Variants in LRRC4C observed in about 807,000 individuals in gnomAD.
The protein encoded by LRRC4C is leucine rich repeat containing 4C.
A neutral mutation model predicts 33.6 loss-of-function variants in LRRC4C; 5 were observed. The ratio of observed to expected loss-of-function variants is 0.15; its 90% confidence interval spans 0.08 to 0.31. The LOEUF is 0.31. Among genes scored for constraint, LRRC4C ranks in the 10% least tolerant of loss-of-function variants. LRRC4C has a pLI of 1.00. For synonymous variants in LRRC4C, 329 were observed against 302.0 expected, an observed-to-expected ratio of 1.09 and a Z score of -0.93; for missense variants, 560 against 796.7, an observed-to-expected ratio of 0.70 and a Z score of 3.58.
At chr11:40,793,321 G>A (rs1384522489) in intron 2 of LRRC4C, among the ~76,000 whole-genome samples, 1 of 152,034 alleles carries the variant, frequency 6.6e-6, no homozygotes, top group Admixed American at 6.5e-5. Context: ...TAAAAATTCT[G>A]TAAGCTTTGT....
intron 2 of LRRC4C, among the ~76,000 whole-genome samples, chr11:40,879,234 C>G (rs1340678845): frequency 6.6e-6 from 1 of 152,026 alleles, no homozygotes. Flanking sequence ...GGTTTAAAAT[C>G]TTAAGGGAAA....
chr11:40,754,415 G>T (rs1215329791), intron 2 of LRRC4C, among the ~76,000 whole-genome samples: 1 of 152,210 alleles, frequency 6.6e-6, no homozygotes, highest in Non-Finnish European at 1.5e-5. Flanking sequence ...CAGACTAATT[G>T]CTCCTCAGGA....
At chr11:40,599,246 T>C (rs970123084) in intron 3 of LRRC4C, among the ~76,000 whole-genome samples, 12 of 151,720 alleles carry the variant, frequency 7.9e-5, no homozygotes, top group Non-Finnish European at 1.8e-4. Flanking sequence ...CCTAAGAGTT[T>C]GAGACCAGCC....
chr11:40,982,718 C>T (rs1852631648), intron 1 of LRRC4C, among the ~76,000 whole-genome samples: 1 of 151,964 alleles, frequency 6.6e-6, no homozygotes, highest in Admixed American at 6.6e-5. Flanking sequence ...AGGTTTATTC[C>T]ACAGGTAAAC....
chr11:40,693,213 A>T (rs1451403797), intron 2 of LRRC4C, among the ~76,000 whole-genome samples: 1 of 152,160 alleles, frequency 6.6e-6, no homozygotes, highest in Non-Finnish European at 1.5e-5. Context: ...TTCAGATAGC[A>T]TTCATAAAGA....
chr11:41,287,527 T>A (rs1321505465), intron 1 of LRRC4C, among the ~76,000 whole-genome samples: 1 of 152,040 alleles, frequency 6.6e-6, no homozygotes, highest in Non-Finnish European at 1.5e-5. Flanking sequence ...TCTATAGGGA[T>A]CTTTTCTTTT....
intron 4 of LRRC4C, among the ~76,000 whole-genome samples, chr11:40,278,271 C>A (rs1943248859): frequency 6.6e-6 from 1 of 152,062 alleles, no homozygotes; most frequent in African/African-American, 2.4e-5. Context: ...GTCACCTGGC[C>A]CAGATCACCA....
intron 1 of LRRC4C, among the ~76,000 whole-genome samples, chr11:41,131,317 C>T (rs1472315733): frequency 1.3e-5 from 2 of 152,008 alleles, no homozygotes; most frequent in Non-Finnish European, 2.9e-5. Context: ...CTCCATTCAT[C>T]CCATTCAAAT....
intron 1 of LRRC4C, among the ~76,000 whole-genome samples, chr11:41,028,570 GACACACACACACACAC>G (rs57827895): frequency 1.4e-5 from 2 of 147,314 alleles, no homozygotes; most frequent in Non-Finnish European, 3.0e-5. Context: ...TAGTATTCAC[GACACACACACACACAC>G]ACACACACAC....
At chr11:41,439,709 CCA>C (rs1374652517) in intron 1 of LRRC4C, among the ~76,000 whole-genome samples, 1 of 151,966 alleles carries the variant, frequency 6.6e-6, no homozygotes, top group Non-Finnish European at 1.5e-5. Context: ...ATGTTTTTGC[CCA>C]CTTTGTGGCA....
At chr11:41,215,487 CAAAAAAAAAAAA>C (rs764578889) in intron 1 of LRRC4C, among the ~76,000 whole-genome samples, 1 of 64,356 alleles carries the variant, frequency 1.6e-5, no homozygotes, top group Non-Finnish European at 3.3e-5. Flanking sequence ...AATTCCATCT[CAAAAAAAAAAAA>C]AAAAAAAAAA....
At chr11:40,710,783 C>G (rs147450170) in intron 2 of LRRC4C, among the ~76,000 whole-genome samples, 1 of 152,176 alleles carries the variant, frequency 6.6e-6, no homozygotes, top group Non-Finnish European at 1.5e-5. Flanking sequence ...GCCTTTTGTT[C>G]AGCTATACCC....
intron 1 of LRRC4C, among the ~76,000 whole-genome samples, chr11:41,122,470 C>G (rs1021372922): frequency 5.9e-5 from 9 of 151,946 alleles, no homozygotes; most frequent in African/African-American, 2.2e-4. Flanking sequence ...AAAATAAAGC[C>G]TTGACATTTT....
intron 1 of LRRC4C, among the ~76,000 whole-genome samples, chr11:40,987,620 A>G (rs1368700066): frequency 7.9e-6 from 1 of 126,566 alleles, no homozygotes; most frequent in African/African-American, 2.9e-5. Flanking sequence ...TGCAGGTACA[A>G]GTGGGTAATG....
At chr11:40,131,530 T>G (rs115265624) in intron 6 of LRRC4C, among the ~76,000 whole-genome samples, 362 of 152,260 alleles carry the variant, frequency 2.4e-3, no homozygotes, top group African/African-American at 8.4e-3. Context: ...AAAGGTTGAT[T>G]GTTGCAGATT....
At chr11:40,586,367 G>T (rs1958743686) in intron 3 of LRRC4C, among the ~76,000 whole-genome samples, 2 of 147,266 alleles carry the variant, frequency 1.4e-5, no homozygotes, top group South Asian at 2.2e-4. Context: ...GTAGATTCTG[G>T]ATATTAGCCC....
chr11:40,145,227 A>C (rs1857641346), intron 5 of LRRC4C, among the ~76,000 whole-genome samples: 1 of 152,186 alleles, frequency 6.6e-6, no homozygotes, highest in South Asian at 2.1e-4. Context: ...TAAACTATAT[A>C]ATCAATTAGC....
At chr11:40,420,643 T>G (rs988260869) in intron 3 of LRRC4C, among the ~76,000 whole-genome samples, 2 of 152,194 alleles carry the variant, frequency 1.3e-5, no homozygotes, top group African/African-American at 4.8e-5. Context: ...TCCTAAAGAA[T>G]GCACTAATTC....
chr11:41,021,039 A>T (rs937519214), intron 1 of LRRC4C, among the ~76,000 whole-genome samples: 1 of 152,056 alleles, frequency 6.6e-6, no homozygotes, highest in African/African-American at 2.4e-5. Flanking sequence ...CCTTCACAGC[A>T]TTCATTTCAA....
Sources: gnomAD v4.1 joint callset for allele counts (sites outside exome capture counted in the v4.1 genomes callset) on GRCh38, gnomAD v4.1.1 for gene constraint, MANE v1.5 for transcripts, NCBI Gene and HGNC (gene_info 2026-07-23, HGNC 2026-07-21) for gene names.